BIRC6: variants seen among roughly 807,000 people sequenced by gnomAD.
BIRC6 encodes dual E2 ubiquitin-conjugating enzyme/E3 ubiquitin-protein ligase BIRC6.
BIRC6 carries 98 observed loss-of-function variants against 503.3 expected under a neutral mutation model. The observed-to-expected ratio is 0.19, with a 90% CI of 0.17 to 0.23. BIRC6 has a LOEUF of 0.23. Among genes scored for constraint, BIRC6 ranks in the 10% least tolerant of loss-of-function variants. The pLI is 1.00. For missense variants in BIRC6, 5,360 were observed against 5,806.0 expected (o/e 0.92, Z 2.50); for synonymous variants, 2,240 against 2,078.7 (o/e 1.08, Z -2.11).
At chr2:32,555,906 C>A (rs2058739400) in intron 65 of BIRC6, among the ~76,000 whole-genome samples, 1 of 143,242 alleles carries the variant, frequency 7.0e-6, no homozygotes, top group East Asian at 2.0e-4. Context: ...TCAGAGTAGA[C>A]CCTATCTCAA....
At chr2:32,613,753 G>GT (rs2063048339) in intron 73 of BIRC6, among the ~76,000 whole-genome samples, 1 of 152,124 alleles carries the variant, frequency 6.6e-6, no homozygotes, top group African/African-American at 2.4e-5. Flanking sequence ...TTTGTCTTTT[G>GT]TACTATACTT....
At chr2:32,429,568 A>C (rs12712328) in intron 11 of BIRC6, among the ~76,000 whole-genome samples, 121,374 of 148,454 alleles carry the variant, frequency 0.82, 50,828 homozygotes, top group East Asian at 0.96. Flanking sequence ...TATTAATATT[A>C]CTACTGGAAT....
intron 60 of BIRC6, 121 bp from the exon 61 acceptor site, chr2:32,531,234 T>C (rs2056725550): frequency 1.3e-6 from 1 of 771,860 alleles, no homozygotes; most frequent in Admixed American, 3.0e-5. Context: ...TCTAAATAAA[T>C]GATGTTTTGT....
intron 10 of BIRC6, 51 bp downstream of exon 10, chr2:32,416,214 C>A: frequency 6.7e-7 from 1 of 1,487,086 alleles, no homozygotes; most frequent in Non-Finnish European, 9.0e-7. Flanking sequence ...GTATATATGG[C>A]ATTTGTTTAT....
chr2:32,365,098 A>G (rs541157663), intron 1 of BIRC6, among the ~76,000 whole-genome samples: 68 of 152,296 alleles, frequency 4.5e-4, no homozygotes, highest in African/African-American at 1.6e-3. Flanking sequence ...GGCTATGAAT[A>G]TGTACTTTGG....
In BIRC6 at chr2:32,503,322, A is replaced by C. The variant is rs192086853; in HGVS notation, c.9499+86A>C. On this transcript the variant is annotated intron_variant, in intron 49 of 73. Transcript: ENST00000421745. ...AAACAAAATTAGTTGAAGTCAGTTG[A>C]TGATGTTATATATCACTATTTTAAT... 622 of 1,059,670 alleles carry C rather than the reference A, an allele frequency of 5.9e-4. 8 individuals are homozygous for C. The African/African-American group carries it at 9.2e-3, about 16-fold the overall frequency. The allele number at this position is 1,059,670 out of a possible 1,614,324, so 65.6% of individuals were successfully genotyped here. A position where few individuals can be genotyped will look rare whatever the true frequency, so the allele number is the denominator to read the frequency against.
At chr2:32,432,067 ATTG>A (rs764253871) in intron 12 of BIRC6, among the ~76,000 whole-genome samples, 11 of 152,138 alleles carry the variant, frequency 7.2e-5, no homozygotes, top group Non-Finnish European at 1.5e-4. Flanking sequence ...AAATATGACC[ATTG>A]TTGTTGGAGT....
rs2046970945 is a variant in BIRC6 at position 32,453,923 on chromosome 2, A to T, written c.4734A>T (p.Arg1578Ser). 1 of 1,613,222 alleles carries T rather than the reference A, an allele frequency of 6.2e-7. No individual in the cohort carries two copies. The highest frequency in any genetic ancestry group is 2.2e-5 in the East Asian group (1 of 44,866). The change falls in exon 23 of 74, where the codon AGA becomes AGT. Residue 1578 changes from arginine to serine, a missense_variant. Coordinates refer to ENST00000421745, the MANE Select transcript of BIRC6 (RefSeq NM_016252.4). ...GTGTGTCAACTAGTGATGGAACCAG[A>T]ATAGAAAGGGATGATGCAAGTACGT... is the stretch of plus-strand genomic sequence containing the variant. Reference protein sequence around the residue: ...FTCVSTSDGTRIERDDAMSSF... With the variant: ...FTCVSTSDGTSIERDDAMSSF...
At chr2:32,405,664 A>G (rs2041122996) in intron 8 of BIRC6, among the ~76,000 whole-genome samples, 2 of 152,186 alleles carry the variant, frequency 1.3e-5, no homozygotes, top group South Asian at 2.1e-4. Context: ...GTTTTCCTAT[A>G]TGTAAAGGAG....
chr2:32,562,168 C>T (rs1456118722), intron 65 of BIRC6, among the ~76,000 whole-genome samples: 1 of 152,108 alleles, frequency 6.6e-6, no homozygotes, highest in South Asian at 2.1e-4. Flanking sequence ...GCATGCTAGA[C>T]TGTCTTCATT....
rs150133874 is a variant in BIRC6 at position 32,360,023 on chromosome 2, C to T, written c.325+2537C>T. Among the ~76,000 whole-genome samples, 352 of 152,292 alleles carry T rather than the reference C, an allele frequency of 2.3e-3. 1 individual carries two copies. Among genetic ancestry groups the T allele is most frequent in the Admixed American group, 0.013 (206 of 15,282 alleles). ...TTTAATGATTAATAGAGGGTGACAG[C>T]CCTATAAATAGAGTAGAGAGAAGAT... On this transcript the variant is annotated intron_variant, in intron 1 of 73. Coordinates refer to ENST00000421745, the MANE Select transcript of BIRC6 (RefSeq NM_016252.4).
chr2:32,432,688 C>T (rs999719687), intron 12 of BIRC6, among the ~76,000 whole-genome samples: 3 of 147,696 alleles, frequency 2.0e-5, no homozygotes, highest in Admixed American at 6.8e-5. Flanking sequence ...TGAGCCCAGG[C>T]GGTTGAGGCT....
rs2148254218 is a variant in BIRC6, at chr2:32,439,637, A to G, written c.3761A>G (p.Asn1254Ser). 6.2e-7 allele frequency: 1 copy of G among 1,613,972 alleles called. No individual in the cohort carries two copies. The highest frequency in any genetic ancestry group is 8.5e-7 in the Non-Finnish European group (1 of 1,179,880). The part of the protein sequence containing the change: ...VRLPSLKHQS[N>S]KGYSLASLLA... ...CTTCCATCCCTAAAACACCAGAGTA[A>G]CAAGGGTTATTCACTTGCTTCACTT... Residue 1254 changes from asparagine to serine, a missense_variant, in exon 16 of 74, where the codon AAC (asparagine) becomes AGC (serine). Coordinates refer to ENST00000421745, the MANE Select transcript of BIRC6 (RefSeq NM_016252.4).
chr2:32,369,998 G>GCATATA (rs2035679233), intron 1 of BIRC6, among the ~76,000 whole-genome samples: 1 of 115,506 alleles, frequency 8.7e-6, no homozygotes, highest in Non-Finnish European at 1.7e-5. Flanking sequence ...ATGTATGTAT[G>GCATATA]TGTGTGTATA....
chr2:32,560,671 C>A (rs762134469), intron 65 of BIRC6, among the ~76,000 whole-genome samples: 1 of 152,106 alleles, frequency 6.6e-6, no homozygotes, highest in Non-Finnish European at 1.5e-5. Flanking sequence ...GCCTTCAATT[C>A]TTAGGCTCAA....
rs759428071 is a variant in BIRC6 at position 32,481,368 on chromosome 2, A to C, written c.7457A>C (p.Glu2486Ala). The C allele has an allele frequency of 3.1e-6, 5 of 1,611,262 alleles. No homozygotes were observed. Among genetic ancestry groups the C allele is most frequent in the Non-Finnish European group, 3.4e-6 (4 of 1,178,320 alleles). ...SLEKDKEIDL[E>A]LLQDLMEVDI... Reference sequence around the variant, plus strand: ...GAAAAAGATAAAGAAATTGACCTTGAGTTACTTCAGGATCTAATGGAAGTT... The same window carrying C: ...GAAAAAGATAAAGAAATTGACCTTGCGTTACTTCAGGATCTAATGGAAGTT... Residue 2486 changes from glutamate (E) to alanine (A), a missense_variant, in exon 38 of 74, where the codon GAG becomes GCG. Glu to Ala is a moderately radical substitution (Grantham distance 107). Transcript: ENST00000421745.
chr2:32,414,618 A>T, intron 9 of BIRC6, 151 bp from the exon 10 acceptor site: 1 of 514,460 alleles, frequency 1.9e-6, no homozygotes, highest in Non-Finnish European at 3.0e-6. Context: ...GGTGAGCCGA[A>T]ATTGCACCAC....
At chr2:32,521,264 A>G (rs533708839) in intron 57 of BIRC6, among the ~76,000 whole-genome samples, 7 of 148,454 alleles carry the variant, frequency 4.7e-5, no homozygotes, top group African/African-American at 1.7e-4. Flanking sequence ...GTAGCTTTTG[A>G]CAGTATACTT....
intron 38 of BIRC6, among the ~76,000 whole-genome samples, chr2:32,481,698 G>A (rs1187362697): frequency 6.6e-6 from 1 of 151,928 alleles, no homozygotes; most frequent in Non-Finnish European, 1.5e-5. Flanking sequence ...CCCATGAGGT[G>A]GAGCTTGGAG....
Sources: gnomAD v4.1 joint callset for allele counts (sites outside exome capture counted in the v4.1 genomes callset) on GRCh38, gnomAD v4.1.1 for gene constraint, MANE v1.5 for transcripts, NCBI Gene and HGNC (gene_info 2026-07-23, HGNC 2026-07-21) for gene names.